Variants in BBS7 observed in about 807,000 individuals in gnomAD.
BBS7 encodes BBSome complex member BBS7.
In BBS7, 50 loss-of-function variants were observed where a neutral mutation model predicts 90.3. That is an observed-to-expected ratio of 0.55 (90% CI 0.44 to 0.70). The LOEUF is 0.70. Ranked by LOEUF, BBS7 falls within the 30% of genes least tolerant of loss-of-function variation. BBS7 has a pLI of 0.00. For missense variants in BBS7, 729 were observed against 838.9 expected (o/e 0.87, Z 1.62); for synonymous variants, 235 against 287.4 (o/e 0.82, Z 1.85).
In BBS7 at chr4:121,868,193, A is replaced by T. The variant is rs1447187671; in HGVS notation, c.37-147T>A. On this transcript the variant is annotated intron_variant, in intron 1 of 18. Transcript: ENST00000264499. The stretch of plus-strand genomic sequence containing the variant: ...TTTATTTTCTAATGAGATATGTCAT[A>T]TTAGTCAGAATACATATAGGAAACA... The T allele has an allele frequency of 1.8e-5, 13 of 737,028 alleles. No homozygotes were observed. In the African/African-American group the frequency reaches 2.3e-4, roughly 13 times the overall value. The allele number at this position is 737,028 out of a possible 1,614,324, so 45.7% of individuals were successfully genotyped here.
intron 6 of BBS7, 77 bp downstream of exon 6, chr4:121,855,412 T>C (rs1471083348): frequency 1.1e-5 from 14 of 1,315,422 alleles, no homozygotes; most frequent in East Asian, 2.3e-5. Flanking sequence ...TTCTAGTTTA[T>C]GTCCTTTCTA....
chr4:121,868,963 C>T (rs1364238338), intron 1 of BBS7, among the ~76,000 whole-genome samples: 1 of 152,056 alleles, frequency 6.6e-6, no homozygotes, highest in Non-Finnish European at 1.5e-5. Context: ...AAGTCATCTG[C>T]TTAGATTTGT....
intron 11 of BBS7, among the ~76,000 whole-genome samples, chr4:121,844,840 A>C (rs1725921767): frequency 1.3e-5 from 2 of 152,178 alleles, no homozygotes; most frequent in African/African-American, 4.8e-5. Flanking sequence ...GGCTTTAAAA[A>C]AAAATGTTCT....
intron 1 of BBS7, 90 bp from the exon 2 acceptor site, chr4:121,868,136 A>T (rs1727386430): frequency 1.0e-6 from 1 of 979,230 alleles, no homozygotes; most frequent in Non-Finnish European, 1.7e-6. Context: ...TGTTAAACTG[A>T]AATTAGTGAT....
intron 4 of BBS7, 131 bp downstream of exon 4, chr4:121,861,373 G>C: frequency 1.1e-6 from 1 of 881,430 alleles, no homozygotes; most frequent in South Asian, 1.8e-5. Flanking sequence ...TTTAGTTTCT[G>C]ACTAATAAAA....
At chr4:121,852,692 A>G (rs1199674584) in intron 8 of BBS7, among the ~76,000 whole-genome samples, 1 of 152,064 alleles carries the variant, frequency 6.6e-6, no homozygotes, top group East Asian at 1.9e-4. Flanking sequence ...GTTATAAACT[A>G]AGGCAAAATA....
chr4:121,863,525 A>G (rs1370294545), intron 2 of BBS7, among the ~76,000 whole-genome samples: 1 of 152,190 alleles, frequency 6.6e-6, no homozygotes, highest in Admixed American at 6.5e-5. Flanking sequence ...GGACAACACA[A>G]TATATTTTGT....
intron 1 of BBS7, among the ~76,000 whole-genome samples, chr4:121,869,531 T>G (rs963708185): frequency 6.6e-6 from 1 of 152,178 alleles, no homozygotes; most frequent in Non-Finnish European, 1.5e-5. Flanking sequence ...CACATTAAAC[T>G]GTTGTCATTG....
At chr4:121,846,553 G>T (rs1345307370) in intron 10 of BBS7, among the ~76,000 whole-genome samples, 2 of 152,116 alleles carry the variant, frequency 1.3e-5, no homozygotes, top group Non-Finnish European at 2.9e-5. Context: ...TCAAGAAATG[G>T]TAGACTTGGT....
intron 15 of BBS7, 121 bp from the exon 16 acceptor site, chr4:121,828,849 C>T (rs1021555803): frequency 1.5e-4 from 91 of 627,152 alleles, no homozygotes; most frequent in Non-Finnish European, 2.3e-4. Context: ...CTTCTGTATA[C>T]ATATATCATT....
At chr4:121,869,009 G>A (rs1436544444) in intron 1 of BBS7, among the ~76,000 whole-genome samples, 1 of 152,196 alleles carries the variant, frequency 6.6e-6, no homozygotes, top group East Asian at 1.9e-4. Context: ...TGATGTGAAG[G>A]ATGGCTTGGA....
rs1387346066 is a variant in BBS7 at position 121,835,310 on chromosome 4, A to C, written c.1372-27T>G. The C allele has an allele frequency of 3.1e-6, 5 of 1,612,484 alleles. No homozygotes were observed. In the Admixed American group the frequency reaches 8.3e-5, roughly 27 times the overall value. ...TGATTCAACACAAAAGAGGAAATAA[A>C]ATAAGAATATTTAGCAACAAAACAT... On this transcript the variant is annotated intron_variant, in intron 13 of 18. Transcript: ENST00000264499.
chr4:121,849,658 C>T (rs1726206935), intron 8 of BBS7, among the ~76,000 whole-genome samples: 1 of 152,040 alleles, frequency 6.6e-6, no homozygotes, highest in African/African-American at 2.4e-5. Context: ...GAAACCCCAT[C>T]TCTACTAAAA....
intron 12 of BBS7, 129 bp downstream of exon 12, chr4:121,843,798 T>C: frequency 1.4e-6 from 1 of 693,050 alleles, no homozygotes; most frequent in East Asian, 2.8e-5. Flanking sequence ...GACACAGATT[T>C]TGAAGGAAAG....
intron 3 of BBS7, among the ~76,000 whole-genome samples, chr4:121,862,198 G>A (rs1290950973): frequency 2.0e-5 from 3 of 152,068 alleles, no homozygotes; most frequent in African/African-American, 4.8e-5. Flanking sequence ...AATTTTAATA[G>A]TTAAAGGACT....
chr4:121,826,940 C>T (rs1257804029), intron 18 of BBS7, among the ~76,000 whole-genome samples: 4 of 152,110 alleles, frequency 2.6e-5, no homozygotes, highest in African/African-American at 4.8e-5. Context: ...GCCGAGATCG[C>T]GCCACTGACT....
chr4:121,828,654 G>A lies in BBS7; in HGVS notation c.1751C>T (p.Ala584Val), dbSNP rs1725023099. ...GTTGAGGTTAATTTTCCTTTTTGTA[G>A]CTTCTTTAGAAAGCACATCTTTTAG... Reference protein sequence around the residue: ...SILKDVLSKEATKRKINLNIS... With the variant: ...SILKDVLSKEVTKRKINLNIS... Residue 584 changes from alanine (A) to valine (V), a missense_variant, in exon 16 of 19, where the codon GCT (alanine) becomes GTT (valine). Coordinates refer to ENST00000264499, the MANE Select transcript of BBS7 (RefSeq NM_176824.3). 6.2e-7 allele frequency: 1 copy of A among 1,609,314 alleles called. No individual in the cohort carries two copies. The highest frequency in any genetic ancestry group is 8.5e-7 in the Non-Finnish European group (1 of 1,176,398).
chr4:121,841,568 TAAA>T (rs879368129), intron 12 of BBS7, among the ~76,000 whole-genome samples: 3 of 147,830 alleles, frequency 2.0e-5, no homozygotes, highest in African/African-American at 7.5e-5. Context: ...CCCCATCTTT[TAAA>T]AAAAAAAAAG....
At chr4:121,870,228 CG>C (rs1302890410) in intron 1 of BBS7, 49 bp downstream of exon 1, 1 of 1,610,380 alleles carries the variant, frequency 6.2e-7, no homozygotes, top group Non-Finnish European at 8.5e-7. Context: ...GAATCCTCTC[CG>C]GGTGCTGGGC....
Sources: gnomAD v4.1 joint callset for allele counts (sites outside exome capture counted in the v4.1 genomes callset) on GRCh38, gnomAD v4.1.1 for gene constraint, MANE v1.5 for transcripts, NCBI Gene and HGNC (gene_info 2026-07-23, HGNC 2026-07-21) for gene names.